Variants in GALNT13 observed in about 807,000 individuals in gnomAD.
GALNT13 encodes UDP-GalNAc:polypeptide N-acetylgalactosaminyltransferase 13.
GALNT13 carries 28 observed loss-of-function variants against 64.2 expected under a neutral mutation model. The ratio of observed to expected loss-of-function variants is 0.44; its 90% CI spans 0.32 to 0.60. GALNT13 has a LOEUF of 0.60. Among genes scored for constraint, GALNT13 ranks in the 20% least tolerant of loss-of-function variants. The probability of loss-of-function intolerance (pLI) is 0.05; values close to 1 mark genes in which losing one functional copy is unlikely to be tolerated. For missense variants in GALNT13, 577 were observed against 669.8 expected, an observed-to-expected ratio of 0.86 and a Z score of 1.53; for synonymous variants, 214 against 224.6, an observed-to-expected ratio of 0.95 and a Z score of 0.42.
At chr2:154,330,830 AAAC>A (rs1374784509) in intron 9 of GALNT13, among the ~76,000 whole-genome samples, 3 of 152,156 alleles carry the variant, frequency 2.0e-5, no homozygotes, top group African/African-American at 7.2e-5. Context: ...TTCTAAATTT[AAAC>A]AACATAACCC....
At chr2:154,166,198 A>C (rs1233262242) in intron 4 of GALNT13, among the ~76,000 whole-genome samples, 1 of 152,126 alleles carries the variant, frequency 6.6e-6, no homozygotes, top group Non-Finnish European at 1.5e-5. Flanking sequence ...TGAGTTCGGG[A>C]GTTTGAGACC....
At chr2:154,439,128 A>G (rs1044383825) in intron 12 of GALNT13, among the ~76,000 whole-genome samples, 6 of 152,182 alleles carry the variant, frequency 3.9e-5, no homozygotes, top group Non-Finnish European at 5.9e-5. Flanking sequence ...ATGTTCCTCA[A>G]CTGGAAGGAA....
the GALNT13 span, among the ~76,000 whole-genome samples, chr2:153,145,989 T>C: frequency 6.6e-6 from 1 of 151,880 alleles, no homozygotes; most frequent in Non-Finnish European, 1.5e-5. Context: ...TTTAGCTTCA[T>C]GTCTTGGGAA....
chr2:153,413,513 T>C, the GALNT13 span, among the ~76,000 whole-genome samples: 1 of 152,188 alleles, frequency 6.6e-6, no homozygotes, highest in African/African-American at 2.4e-5. Flanking sequence ...CTATTTAGCA[T>C]TGACTAATTT....
the GALNT13 span, among the ~76,000 whole-genome samples, chr2:153,264,142 C>A: frequency 6.6e-6 from 1 of 152,120 alleles, no homozygotes; most frequent in Admixed American, 6.5e-5. Context: ...AATGAGCAGA[C>A]CCTTCTGAAA....
At chr2:153,673,879 A>G in the GALNT13 span, among the ~76,000 whole-genome samples, 2 of 152,220 alleles carry the variant, frequency 1.3e-5, no homozygotes, top group African/African-American at 4.8e-5. Flanking sequence ...ATCACTGTGC[A>G]AAAATCACAA....
At position 154,424,561 on chromosome 2, in the gene GALNT13, C is replaced by G. The variant is rs1384817815; in HGVS notation, c.1396-14031C>G. ...TTTTAACCAAAAGAGGCTGCTTTGC[C>G]CATCAGTCACATTAAATTCTGCTCC... On this transcript the variant is annotated intron_variant, in intron 11 of 12. Transcript: ENST00000392825. Among the ~76,000 whole-genome samples, 3 of 151,994 alleles carry G rather than the reference C, an allele frequency of 2.0e-5. No individual in the cohort carries two copies. In the East Asian group the frequency reaches 5.8e-4, roughly 30 times the overall value.
At chr2:153,677,227 C>T in the GALNT13 span, among the ~76,000 whole-genome samples, 16 of 150,764 alleles carry the variant, frequency 1.1e-4, no homozygotes, top group African/African-American at 2.2e-4. Flanking sequence ...TTTCTACATA[C>T]GAATAACATT....
the GALNT13 span, among the ~76,000 whole-genome samples, chr2:153,236,751 TG>T: frequency 2.0e-5 from 3 of 152,128 alleles, no homozygotes; most frequent in African/African-American, 7.2e-5. Flanking sequence ...AGGAGATCAA[TG>T]TGTTTCTTGT....
intron 8 of GALNT13, among the ~76,000 whole-genome samples, chr2:154,293,107 T>A (rs1358872020): frequency 2.0e-5 from 3 of 152,166 alleles, no homozygotes; most frequent in Non-Finnish European, 4.4e-5. Flanking sequence ...ATGGTCAAAT[T>A]TACTTGAAAG....
intron 3 of GALNT13, among the ~76,000 whole-genome samples, chr2:154,133,576 A>ATATATATC (rs1682770003): frequency 1.1e-5 from 1 of 90,252 alleles, no homozygotes; most frequent in South Asian, 3.6e-4. Flanking sequence ...ATATATATAT[A>ATATATATC]TATATATATC....
chr2:153,173,390 G>A, the GALNT13 span: 3 of 152,170 alleles, frequency 2.0e-5, no homozygotes, highest in African/African-American at 7.2e-5. Context: ...AATCAAGTTA[G>A]GATTCATTCA....
chr2:153,318,475 G>A, the GALNT13 span, among the ~76,000 whole-genome samples: 1 of 152,194 alleles, frequency 6.6e-6, no homozygotes, highest in Non-Finnish European at 1.5e-5. Context: ...AATTGGGTTT[G>A]ACTGGGTTTG....
the GALNT13 span, among the ~76,000 whole-genome samples, chr2:153,359,666 G>C: frequency 1.1e-5 from 1 of 89,740 alleles, no homozygotes; most frequent in African/African-American, 3.7e-5. Context: ...AAAAAAAAGT[G>C]ACATATGAGA....
At chr2:153,361,289 A>G in the GALNT13 span, among the ~76,000 whole-genome samples, 1 of 152,098 alleles carries the variant, frequency 6.6e-6, no homozygotes, top group Non-Finnish European at 1.5e-5. Context: ...CTGAAACCTA[A>G]AAGGCCAGAG....
At chr2:153,885,286 A>G (rs1414099450) in intron 1 of GALNT13, among the ~76,000 whole-genome samples, 2 of 152,052 alleles carry the variant, frequency 1.3e-5, no homozygotes, top group Non-Finnish European at 2.9e-5. Flanking sequence ...AATGATCTTC[A>G]GTCTCTGTCC....
At chr2:153,177,913 G>C in the GALNT13 span, among the ~76,000 whole-genome samples, 1 of 151,934 alleles carries the variant, frequency 6.6e-6, no homozygotes, top group Non-Finnish European at 1.5e-5. Context: ...CATTCTACTC[G>C]CTGCTTCTGT....
intron 3 of GALNT13, among the ~76,000 whole-genome samples, chr2:153,966,488 C>G (rs1172671984): frequency 4.0e-5 from 6 of 151,672 alleles, no homozygotes; most frequent in Non-Finnish European, 8.8e-5. Flanking sequence ...GCCTCAGCCT[C>G]CCAAGTAGCT....
At chr2:153,827,909 C>T in the GALNT13 span, among the ~76,000 whole-genome samples, 1 of 152,196 alleles carries the variant, frequency 6.6e-6, no homozygotes, top group Non-Finnish European at 1.5e-5. Context: ...GGTAAATACA[C>T]CTGTTCCAAA....
Sources: allele counts gnomAD v4.1 joint callset (sites outside exome capture counted in the v4.1 genomes callset), GRCh38; gene constraint gnomAD v4.1.1; transcripts MANE v1.5; gene names NCBI Gene and HGNC (gene_info 2026-07-23, HGNC 2026-07-21).